Variants in DIS3L2 observed in about 807,000 individuals in gnomAD.
The protein encoded by DIS3L2 is DIS3 like 3'-5' exoribonuclease 2.
In DIS3L2, 34 loss-of-function variants were observed where a neutral mutation model predicts 97.5. The observed-to-expected ratio is 0.35, with a 90% CI of 0.27 to 0.46. DIS3L2 has a LOEUF of 0.46. Ranked by LOEUF, DIS3L2 falls within the 20% of genes least tolerant of loss-of-function variation. The pLI is 1.00. For missense variants in DIS3L2, 1,038 were observed against 1,146.0 expected (o/e 0.91, Z 1.36); for synonymous variants, 435 against 445.2 (o/e 0.98, Z 0.29).
At chr2:232,018,801 G>A (rs1422920880) in intron 3 of DIS3L2, among the ~76,000 whole-genome samples, 2 of 151,976 alleles carry the variant, frequency 1.3e-5, no homozygotes, top group Non-Finnish European at 2.9e-5. Flanking sequence ...ATGTGGGGAG[G>A]AGACCACAGT....
At chr2:232,043,620 G>A (rs867068245) in intron 5 of DIS3L2, among the ~76,000 whole-genome samples, 2 of 152,296 alleles carry the variant, frequency 1.3e-5, no homozygotes, top group Middle Eastern at 3.4e-3. Context: ...AAATGTTCTA[G>A]ATGGTCTGTC....
intron 12 of DIS3L2, among the ~76,000 whole-genome samples, chr2:232,250,567 G>A (rs1228902094): frequency 6.6e-6 from 1 of 152,104 alleles, no homozygotes; most frequent in Non-Finnish European, 1.5e-5. Flanking sequence ...CTAGAAAGTG[G>A]GGGAGGGGTG....
chr2:232,294,641 C>G (rs1368702802), intron 13 of DIS3L2, among the ~76,000 whole-genome samples: 3 of 152,146 alleles, frequency 2.0e-5, no homozygotes, highest in Non-Finnish European at 1.5e-5. Flanking sequence ...ACCATGGCCT[C>G]AGCCCCTTCA....
chr2:232,103,835 G>T (rs1174058877), intron 6 of DIS3L2, among the ~76,000 whole-genome samples: 1 of 152,026 alleles, frequency 6.6e-6, no homozygotes, highest in African/African-American at 2.4e-5. Context: ...GGTGATTATT[G>T]ATTTCTTTAA....
At chr2:232,024,352 T>A (rs555061413) in intron 4 of DIS3L2, 22 bp downstream of exon 4, 7 of 1,556,566 alleles carry the variant, frequency 4.5e-6, no homozygotes, top group Non-Finnish European at 6.2e-6. Flanking sequence ...AAATTTATAA[T>A]AAACTTTATG....
chr2:232,258,598 C>CA (rs35525137), intron 12 of DIS3L2, among the ~76,000 whole-genome samples: 12,465 of 73,442 alleles, frequency 0.17, 1,068 homozygotes, highest in East Asian at 0.39. Context: ...GACTCTGTCT[C>CA]AAAAAAAAAA....
chr2:232,156,285 G>A (rs759953884), intron 8 of DIS3L2, among the ~76,000 whole-genome samples: 31 of 152,038 alleles, frequency 2.0e-4, no homozygotes, highest in Non-Finnish European at 4.1e-4. Flanking sequence ...TATTTCCTGA[G>A]GTCTAAAAAC....
intron 9 of DIS3L2, among the ~76,000 whole-genome samples, chr2:232,176,906 T>C (rs1691180814): frequency 1.3e-5 from 2 of 148,758 alleles, no homozygotes; most frequent in Non-Finnish European, 3.0e-5. Context: ...CTGCACCCAC[T>C]AACTCGTCAT....
chr2:232,261,068 G>A (rs1238326334), intron 12 of DIS3L2, among the ~76,000 whole-genome samples: 2 of 152,172 alleles, frequency 1.3e-5, no homozygotes, highest in Non-Finnish European at 2.9e-5. Flanking sequence ...TTTATCCAGA[G>A]CTTTTCCATT....
rs1470508806 is a variant in DIS3L2, at chr2:232,014,956, T to C, written c.29T>C (p.Leu10Pro). The C allele has an allele frequency of 6.2e-7, 1 of 1,613,868 alleles. No individual in the cohort carries two copies. The highest frequency in any genetic ancestry group is 1.1e-5 in the South Asian group (1 of 91,032). Residue 10 changes from leucine to proline, a missense_variant, in exon 2 of 21, where the codon CTC becomes CCC. Transcript: ENST00000325385. ...AGCCATCCTGACTACAGAATGAACC[T>C]CCGGCCCCTGGGGACCCCCAGAGGT... MSHPDYRMNLRPLGTPRGVS... is the reference protein window; with the variant it reads MSHPDYRMNPRPLGTPRGVS...
At chr2:232,176,556 TTA>T (rs1184037267) in intron 9 of DIS3L2, among the ~76,000 whole-genome samples, 3 of 151,644 alleles carry the variant, frequency 2.0e-5, no homozygotes, top group Non-Finnish European at 2.9e-5. Flanking sequence ...AGGTGGAAGT[TTA>T]TGTTATTGAG....
At chr2:232,051,547 T>C in intron 5 of DIS3L2, among the ~76,000 whole-genome samples, 1 of 152,004 alleles carries the variant, frequency 6.6e-6, no homozygotes, top group Non-Finnish European at 1.5e-5. Flanking sequence ...GCGCGGTGGC[T>C]CACGCCTGTA....
At chr2:231,980,692 C>T (rs905905475) in intron 1 of DIS3L2, among the ~76,000 whole-genome samples, 3 of 151,522 alleles carry the variant, frequency 2.0e-5, no homozygotes, top group African/African-American at 4.9e-5. Flanking sequence ...AGCAAGACTC[C>T]GTCTCGAGAG....
At chr2:232,154,958 C>T (rs1448625386) in intron 8 of DIS3L2, among the ~76,000 whole-genome samples, 2 of 130,536 alleles carry the variant, frequency 1.5e-5, no homozygotes, top group Admixed American at 1.6e-4. Context: ...TGGGAGTGAC[C>T]CGATTTTCCA....
At chr2:232,164,164 C>G (rs1408990988) in intron 9 of DIS3L2, among the ~76,000 whole-genome samples, 1 of 152,200 alleles carries the variant, frequency 6.6e-6, no homozygotes, top group African/African-American at 2.4e-5. Flanking sequence ...CAAGTACAGA[C>G]TGTTATCTAG....
chr2:232,302,524 G>A (rs926089923), intron 14 of DIS3L2, among the ~76,000 whole-genome samples: 2 of 151,024 alleles, frequency 1.3e-5, no homozygotes, highest in African/African-American at 4.9e-5. Flanking sequence ...TAACCTCTCT[G>A]AGCCTCTAGT....
chr2:232,263,531 C>A (rs560910994), intron 13 of DIS3L2, 91 bp downstream of exon 13: 2 of 1,262,896 alleles, frequency 1.6e-6, no homozygotes, highest in East Asian at 2.5e-5. Context: ...TTAGACTCTT[C>A]CTTCCTTCTC....
At position 232,247,450 on chromosome 2, in the gene DIS3L2, T is replaced by C. The variant is rs1161286817; in HGVS notation, c.1318-1789T>C. On this transcript the variant is annotated intron_variant, in intron 11 of 20. Coordinates refer to ENST00000325385, the MANE Select transcript of DIS3L2 (RefSeq NM_152383.5). ...CCTCACATGGGCTTTTCTCTGTGCC[T>C]ACTCATGCAGAGAGAGACTTGTGTC... Among the ~76,000 whole-genome samples, 3 of 152,250 alleles carry C rather than the reference T, an allele frequency of 2.0e-5. No homozygotes were observed. The South Asian group carries it at 6.2e-4, about 32-fold the overall frequency.
chr2:232,115,303 T>TA (rs1697671481), intron 6 of DIS3L2, among the ~76,000 whole-genome samples: 5 of 151,970 alleles, frequency 3.3e-5, no homozygotes, highest in Admixed American at 1.3e-4. Context: ...GAAGATTTTT[T>TA]TAAAAAAAAA....
Sources: gnomAD v4.1 joint callset for allele counts (sites outside exome capture counted in the v4.1 genomes callset) on GRCh38, gnomAD v4.1.1 for gene constraint, MANE v1.5 for transcripts, NCBI Gene and HGNC (gene_info 2026-07-23, HGNC 2026-07-21) for gene names.